CADM2: variants seen among roughly 807,000 people sequenced by gnomAD.
CADM2 encodes the protein cell adhesion molecule 2, also known as immunoglobulin superfamily member 4D.
Under a neutral mutation model 49.8 loss-of-function variants are expected in CADM2, and 12 were observed. That is an observed-to-expected ratio of 0.24 (90% CI 0.15 to 0.39). The LOEUF (loss-of-function observed/expected upper bound fraction) is 0.39, where lower values mean the gene tolerates loss of function less well. Ranked by LOEUF, CADM2 falls within the 10% of genes least tolerant of loss-of-function variation. The pLI, the probability that CADM2 is intolerant of heterozygous loss-of-function variation, is 1.00. For synonymous variants in CADM2, 214 were observed against 175.4 expected, an observed-to-expected ratio of 1.22 and a Z score of -1.74; for missense variants, 378 against 492.3, an observed-to-expected ratio of 0.77 and a Z score of 2.20.
chr3:85,080,347 A>G lies in CADM2; in HGVS notation c.61+120679A>G, dbSNP rs376552883. Among the ~76,000 whole-genome samples the G allele has an allele frequency of 3.3e-5, 5 of 152,172 alleles. No homozygotes were observed. In the South Asian group the frequency reaches 6.2e-4, roughly 19 times the overall value. On this transcript the variant is annotated intron_variant, in intron 1 of 9. Transcript: ENST00000383699. ...ATGCTTGGTCAAAAACAGAAAATAC[A>G]TATCATTTCTGTTTAGTCGATATGT...
chr3:86,012,417 G>A (rs1731622225), intron 8 of CADM2: 1 of 397,792 alleles, frequency 2.5e-6, no homozygotes. Context: ...AATAAAGTTG[G>A]GCTTCTCGCC....
intron 1 of CADM2, among the ~76,000 whole-genome samples, chr3:85,526,626 GAATT>G (rs2061164581): frequency 1.3e-5 from 2 of 151,992 alleles, no homozygotes; most frequent in Admixed American, 1.3e-4. Flanking sequence ...TAAAAAAACT[GAATT>G]AATAATTCCA....
intron 1 of CADM2, among the ~76,000 whole-genome samples, chr3:85,594,813 G>T (rs1345385792): frequency 6.6e-6 from 1 of 151,982 alleles, no homozygotes; most frequent in African/African-American, 2.4e-5. Flanking sequence ...TGTTGTATTT[G>T]AAATATTATA....
chr3:85,852,710 A>C (rs1480157585), intron 3 of CADM2, among the ~76,000 whole-genome samples: 1 of 152,096 alleles, frequency 6.6e-6, no homozygotes, highest in Non-Finnish European at 1.5e-5. Context: ...TTATAACTAA[A>C]TTGTATTTTG....
intron 1 of CADM2, among the ~76,000 whole-genome samples, chr3:85,558,572 A>T (rs1330510027): frequency 1.3e-5 from 2 of 152,110 alleles, no homozygotes; most frequent in Non-Finnish European, 2.9e-5. Flanking sequence ...ATTTTTCAAA[A>T]TAACATTTTC....
rs2062354997 is a variant in CADM2, at chr3:85,568,453, T to TTTCTCTCTC, written c.62-158068_62-158067insTCTCTCTCT. The stretch of plus-strand genomic sequence containing the variant: ...TTTCTTTCTTTCTTTCTTTCTTTCT[T>TTTCTCTCTC]TCTTTCTTTCTCTTTCTCTCTCTTT... On this transcript the variant is annotated intron_variant, in intron 1 of 9. Transcript: ENST00000383699. Among the ~76,000 whole-genome samples the TTTCTCTCTC allele has an allele frequency of 1.6e-3, 43 of 27,576 alleles. 6 individuals are homozygous for TTTCTCTCTC. Among genetic ancestry groups the TTTCTCTCTC allele is most frequent in the African/African-American group, 3.6e-3 (39 of 10,972 alleles). The allele number at this position is 27,576 out of a possible 152,430, so 18.1% of individuals were successfully genotyped here.
intron 2 of CADM2, 96 bp from the exon 3 acceptor site, chr3:85,801,951 T>G: frequency 9.9e-7 from 1 of 1,014,948 alleles, no homozygotes; most frequent in Non-Finnish European, 1.4e-6. Context: ...GTTTTAAATT[T>G]TATTTTGCAT....
At chr3:85,985,945 A>G (rs1728051200) in intron 8 of CADM2, among the ~76,000 whole-genome samples, 1 of 152,066 alleles carries the variant, frequency 6.6e-6, no homozygotes, top group Non-Finnish European at 1.5e-5. Context: ...GCACTACGAA[A>G]GAGTTTCATT....
chr3:85,928,630 G>A (rs1720214516), intron 6 of CADM2, among the ~76,000 whole-genome samples: 1 of 151,796 alleles, frequency 6.6e-6, no homozygotes, highest in South Asian at 2.1e-4. Flanking sequence ...AATATTTTTT[G>A]TTTCTACAAA....
At chr3:85,681,116 T>G (rs1167525946) in intron 1 of CADM2, among the ~76,000 whole-genome samples, 1 of 152,136 alleles carries the variant, frequency 6.6e-6, no homozygotes, top group Admixed American at 6.5e-5. Flanking sequence ...CATGAAAAAT[T>G]CTACCACTGC....
chr3:85,978,960 C>A (rs1310279880), intron 8 of CADM2, among the ~76,000 whole-genome samples: 3 of 151,484 alleles, frequency 2.0e-5, no homozygotes, highest in Non-Finnish European at 4.4e-5. Context: ...AAACATTGCT[C>A]CAAGTCTTTG....
At chr3:85,805,259 TA>T (rs2072337562) in intron 3 of CADM2, among the ~76,000 whole-genome samples, 1 of 152,128 alleles carries the variant, frequency 6.6e-6, no homozygotes, top group South Asian at 2.1e-4. Context: ...TGACTTTACT[TA>T]ATTTTCCGTT....
chr3:85,982,941 T>C (rs1727655043), intron 8 of CADM2, among the ~76,000 whole-genome samples: 1 of 151,710 alleles, frequency 6.6e-6, no homozygotes, highest in South Asian at 2.1e-4. Context: ...TAAATGTATT[T>C]GATTTTATTA....
intron 1 of CADM2, among the ~76,000 whole-genome samples, chr3:85,494,631 C>T (rs1017501381): frequency 6.6e-6 from 1 of 152,052 alleles, no homozygotes; most frequent in Non-Finnish European, 1.5e-5. Context: ...GGCTGTATTA[C>T]ATAGACAAGA....
rs180897125 is a variant in CADM2, at chr3:85,398,444, T to C, written c.62-328078T>C. Among the ~76,000 whole-genome samples the C allele has an allele frequency of 5.5e-3, 831 of 152,306 alleles. 18 individuals are homozygous for C. The highest frequency in any genetic ancestry group is 3.0e-3 in the Non-Finnish European group (201 of 68,032). ...GGTTGGTTCCAAGTCTTTGTTATTG[T>C]GAATAGTGCCGCAATAAACATACAT... On this transcript the variant is annotated intron_variant, in intron 1 of 9. Coordinates refer to ENST00000383699, the MANE Select transcript of CADM2 (RefSeq NM_001167675.2).
chr3:85,603,793 C>A (rs1184089681), intron 1 of CADM2, among the ~76,000 whole-genome samples: 2 of 151,886 alleles, frequency 1.3e-5, no homozygotes, highest in Non-Finnish European at 2.9e-5. Flanking sequence ...ATCAGTACAA[C>A]CACAGATAGA....
chr3:85,689,720 A>G (rs1206344564), intron 1 of CADM2, among the ~76,000 whole-genome samples: 1 of 152,232 alleles, frequency 6.6e-6, no homozygotes, highest in Non-Finnish European at 1.5e-5. Flanking sequence ...TTAAAAAGAT[A>G]TTGAAAATGA....
chr3:85,460,504 C>G (rs544795767), intron 1 of CADM2, among the ~76,000 whole-genome samples: 2 of 152,034 alleles, frequency 1.3e-5, no homozygotes, highest in Non-Finnish European at 1.5e-5. Context: ...GCAGGGAAAC[C>G]TTAAGTTTTT....
intron 1 of CADM2, among the ~76,000 whole-genome samples, chr3:84,992,644 T>A (rs907666718): frequency 2.0e-5 from 3 of 152,010 alleles, no homozygotes; most frequent in Non-Finnish European, 2.9e-5. Context: ...AACACAAAAA[T>A]TAATAAACAA....
Sources: gnomAD v4.1 joint callset for allele counts (sites outside exome capture counted in the v4.1 genomes callset) on GRCh38, gnomAD v4.1.1 for gene constraint, MANE v1.5 for transcripts, NCBI Gene and HGNC (gene_info 2026-07-23, HGNC 2026-07-21) for gene names.